VPS26A: variants seen among roughly 807,000 people sequenced by gnomAD.
VPS26A encodes the protein VPS26 retromer complex component A, also known as vacuolar protein sorting-associated protein 26A.
In VPS26A, 22 loss-of-function variants were observed where a neutral mutation model predicts 42.4. The ratio of observed to expected loss-of-function variants is 0.52; its 90% confidence interval spans 0.37 to 0.74. VPS26A has a LOEUF of 0.74. Among genes scored for constraint, VPS26A ranks in the 30% least tolerant of loss-of-function variants. The pLI, the probability that VPS26A is intolerant of heterozygous loss-of-function variation, is 0.00. For synonymous variants in VPS26A, 110 were observed against 123.5 expected, an observed-to-expected ratio of 0.89 and a Z score of 0.73; for missense variants, 276 against 379.2, an observed-to-expected ratio of 0.73 and a Z score of 2.26.
At position 69,173,044 on chromosome 10, in the gene VPS26A, A is replaced by C. The variant is rs1841850708; in HGVS notation, c.*1775A>C. Among the ~76,000 whole-genome samples, 1 of 152,220 alleles carries C rather than the reference A, an allele frequency of 6.6e-6. No homozygotes were observed. The highest frequency in any genetic ancestry group is 2.1e-4 in the South Asian group (1 of 4,828). On this transcript the variant is annotated 3_prime_UTR_variant, in exon 9 of 9. Transcript: ENST00000263559. Reference sequence around the variant, plus strand: ...TATAATGCTTTTAATAGGCTGGCTTAAAACTGTCATATACAGGATGCCTAT... The same window carrying C: ...TATAATGCTTTTAATAGGCTGGCTTCAAACTGTCATATACAGGATGCCTAT...
chr10:69,130,153 T>C (rs1331109334), intron 1 of VPS26A, among the ~76,000 whole-genome samples: 1 of 152,246 alleles, frequency 6.6e-6, no homozygotes, highest in East Asian at 1.9e-4. Flanking sequence ...TTTTCTGTTA[T>C]TAAAATGGTA....
intron 2 of VPS26A, among the ~76,000 whole-genome samples, chr10:69,145,038 A>T (rs762526025): frequency 1.8e-4 from 27 of 151,786 alleles, no homozygotes; most frequent in Non-Finnish European, 2.6e-4. Flanking sequence ...TAAATTAATT[A>T]ATTAATTTAT....
chr10:69,143,760 AG>A (rs1485563234), intron 2 of VPS26A, among the ~76,000 whole-genome samples: 1 of 152,150 alleles, frequency 6.6e-6, no homozygotes, highest in East Asian at 1.9e-4. Flanking sequence ...TGTGTCACCC[AG>A]GCTGGAGTGT....
intron 1 of VPS26A, among the ~76,000 whole-genome samples, chr10:69,131,968 A>C (rs12766875): frequency 0.011 from 1,731 of 152,316 alleles, 19 homozygotes; most frequent in Non-Finnish European, 0.018. Flanking sequence ...TATTTGTCAT[A>C]TTCAGGATTT....
At chr10:69,152,969 C>CAA (rs11284955) in intron 2 of VPS26A, among the ~76,000 whole-genome samples, 1 of 129,588 alleles carries the variant, frequency 7.7e-6, no homozygotes, top group African/African-American at 3.0e-5. Flanking sequence ...GGCTCTGTCT[C>CAA]AAAAAAAAAA....
intron 5 of VPS26A, chr10:69,161,819 C>T: frequency 3.6e-6 from 1 of 275,070 alleles, no homozygotes; most frequent in Non-Finnish European, 7.4e-6. Flanking sequence ...CATGCTAGGC[C>T]ATCATGGATG....
intron 2 of VPS26A, 101 bp downstream of exon 2, chr10:69,133,148 A>G: frequency 8.0e-7 from 1 of 1,255,562 alleles, no homozygotes; most frequent in Non-Finnish European, 1.1e-6. Flanking sequence ...TTTATGAGGG[A>G]GAGAGATTTT....
At chr10:69,148,511 A>C (rs1255344544) in intron 2 of VPS26A, among the ~76,000 whole-genome samples, 2 of 152,252 alleles carry the variant, frequency 1.3e-5, no homozygotes, top group Non-Finnish European at 2.9e-5. Flanking sequence ...CACTGGCAGC[A>C]GTTGGAAACT....
At chr10:69,126,947 C>T (rs948121034) in intron 1 of VPS26A, among the ~76,000 whole-genome samples, 2 of 151,458 alleles carry the variant, frequency 1.3e-5, no homozygotes, top group African/African-American at 4.8e-5. Context: ...TTTAGTAAGA[C>T]TAGTTCTTTT....
chr10:69,148,117 A>T (rs980489151), intron 2 of VPS26A, among the ~76,000 whole-genome samples: 1 of 152,244 alleles, frequency 6.6e-6, no homozygotes. Context: ...GGCAGAGAAT[A>T]AAAGAACCTC....
intron 2 of VPS26A, among the ~76,000 whole-genome samples, chr10:69,139,273 T>C (rs1427537957): frequency 6.6e-6 from 1 of 152,116 alleles, no homozygotes; most frequent in African/African-American, 2.4e-5. Flanking sequence ...AATCTTGGCT[T>C]ACATTTTTTT....
intron 2 of VPS26A, among the ~76,000 whole-genome samples, chr10:69,140,744 G>A (rs112133990): frequency 2.3e-3 from 349 of 152,294 alleles, no homozygotes; most frequent in African/African-American, 7.8e-3. Flanking sequence ...ATCCTAGACA[G>A]CAGGCCTGAC....
chr10:69,134,505 T>G (rs1453891774), intron 2 of VPS26A, among the ~76,000 whole-genome samples: 1 of 152,224 alleles, frequency 6.6e-6, no homozygotes, highest in Non-Finnish European at 1.5e-5. Context: ...TTGCATTAAA[T>G]TACATGTCCA....
At chr10:69,136,687 A>G (rs1217198922) in intron 2 of VPS26A, among the ~76,000 whole-genome samples, 2 of 152,222 alleles carry the variant, frequency 1.3e-5, no homozygotes, top group Non-Finnish European at 2.9e-5. Flanking sequence ...AATGGAATAC[A>G]TTTACAAAGA....
intron 2 of VPS26A, among the ~76,000 whole-genome samples, chr10:69,137,979 C>G (rs1840956644): frequency 6.6e-6 from 1 of 151,836 alleles, no homozygotes; most frequent in Non-Finnish European, 1.5e-5. Context: ...ATTTTCATTA[C>G]TCCAGAAATT....
chr10:69,138,044 C>CTT (rs1840958484), intron 2 of VPS26A, among the ~76,000 whole-genome samples: 1 of 152,166 alleles, frequency 6.6e-6, no homozygotes, highest in Admixed American at 6.5e-5. Flanking sequence ...CTTCCAGTCT[C>CTT]TGACAACCCC....
rs182726340 is a variant in VPS26A, at chr10:69,124,417, C to T, written c.3+137C>T. 510 of 996,040 alleles carry T rather than the reference C, an allele frequency of 5.1e-4. 8 individuals carry two copies. The East Asian group carries it at 0.013, about 26-fold the overall frequency. The allele number at this position is 996,040 out of a possible 1,614,324, so 61.7% of individuals were successfully genotyped here. ...GGGGAGCGGGGTTAGGCCTGTCGGG[C>T]CACCCCTGGGTCTGGGAAAAGCTGG... is the stretch of plus-strand genomic sequence containing the variant. On this transcript the variant is annotated intron_variant, in intron 1 of 8. Coordinates refer to ENST00000263559, the MANE Select transcript of VPS26A (RefSeq NM_004896.5).
At chr10:69,147,245 A>AT (rs1272169949) in intron 2 of VPS26A, among the ~76,000 whole-genome samples, 1 of 151,954 alleles carries the variant, frequency 6.6e-6, no homozygotes, top group East Asian at 1.9e-4. Context: ...AAATTTGACT[A>AT]TTTTTTTAAT....
At position 69,171,894 on chromosome 10, in the gene VPS26A, CTATGAA is replaced by C. The variant is rs1301403416; in HGVS notation, c.*629_*634del. On this transcript the variant is annotated 3_prime_UTR_variant, in exon 9 of 9. Transcript: ENST00000263559. ...TTTATCCTCTTTGAGGTCTTCTGTGCTATGAATATTAGATTTCTTTCCCCAAGGGAT... is the reference window on the plus strand; with the variant it reads ...TTTATCCTCTTTGAGGTCTTCTGTGCTATTAGATTTCTTTCCCCAAGGGAT... 1 of 152,188 alleles carries C rather than the reference CTATGAA, an allele frequency of 6.6e-6. No individual in the cohort carries two copies. The highest frequency in any genetic ancestry group is 2.4e-5 in the African/African-American group (1 of 41,426). 9.4% of individuals were successfully genotyped at this position (152,188 alleles called of 1,614,324 possible).
Sources: allele counts gnomAD v4.1 joint callset (sites outside exome capture counted in the v4.1 genomes callset), GRCh38; gene constraint gnomAD v4.1.1; transcripts MANE v1.5; gene names NCBI Gene and HGNC (gene_info 2026-07-23, HGNC 2026-07-21).